Variants in TAF7 observed in about 807,000 individuals in gnomAD.
The protein encoded by TAF7 is transcription initiation factor TFIID subunit 7.
A neutral mutation model predicts 25.3 loss-of-function variants in TAF7; 9 were observed. That is an observed-to-expected ratio of 0.36 (90% CI 0.21 to 0.62). The LOEUF is 0.62. TAF7 is among the 20% of genes least tolerant of loss of function. The pLI is 0.72. For missense variants in TAF7, 311 were observed against 410.6 expected, an observed-to-expected ratio of 0.76 and a Z score of 2.10; for synonymous variants, 127 against 146.7, an observed-to-expected ratio of 0.87 and a Z score of 0.97.
chr5:141,319,769 A>G lies in TAF7; in HGVS notation c.276T>C (p.Cys92=). 1.2e-6 allele frequency: 2 copies of G among 1,614,100 alleles called. No homozygotes were observed. The highest frequency in any genetic ancestry group is 1.7e-6 in the Non-Finnish European group (2 of 1,180,026). The change falls in exon 1 of 1, where the codon TGT becomes TGC. Residue 92 remains cysteine (C), a synonymous_variant. Transcript: ENST00000313368. This position sits in a 1 kb window ranked among gnomAD's most constrained non-coding sequence, Gnocchi z 5.3. The part of the protein sequence containing the change: ...KKTFYKTADI[C]QMLVSTVDGD... ...CATCAACTGTGGATACAAGCATCTGACAGATATCAGCTGTCTTGTAAAAAG... is the reference window on the plus strand; with the variant it reads ...CATCAACTGTGGATACAAGCATCTGGCAGATATCAGCTGTCTTGTAAAAAG...
chr5:141,319,210 T>A lies in TAF7; in HGVS notation c.835A>T (p.Met279Leu). 1 of 1,614,132 alleles carries A rather than the reference T, an allele frequency of 6.2e-7. No homozygotes were observed. Among genetic ancestry groups the A allele is most frequent in the Non-Finnish European group, 8.5e-7 (1 of 1,180,030 alleles). ...QENEGTNQLV[M>L]GIQKQIDNMK... ...TTGTCAATCTGCTTCTGAATTCCCATAACCAGCTGATTGGTTCCTTCATTT... is the reference window on the plus strand; with the variant it reads ...TTGTCAATCTGCTTCTGAATTCCCAAAACCAGCTGATTGGTTCCTTCATTT... The change falls in exon 1 of 1, where the codon ATG becomes TTG. Residue 279 changes from methionine to leucine, a missense_variant. Transcript: ENST00000313368. This position sits in a 1 kb window ranked among gnomAD's most constrained non-coding sequence, Gnocchi z 5.3.
At position 141,319,510 on chromosome 5, in the gene TAF7, T is replaced by C; in HGVS notation, c.535A>G (p.Thr179Ala). Residue 179 changes from threonine (T) to alanine (A), a missense_variant, in exon 1 of 1, where the codon ACT becomes GCT. Physicochemically the swap from Thr to Ala is moderately conservative, Grantham distance 58 (BLOSUM62 0). Coordinates refer to ENST00000313368, the MANE Select transcript of TAF7 (RefSeq NM_005642.3). This position sits in a 1 kb window ranked among gnomAD's most constrained non-coding sequence, Gnocchi z 5.3. ...TCTTCGGCAATTATTTCCCACCGAG[T>C]ACTAACAGCTTCAGCATCTGTACTC... ...LLSTDAEAVS[T>A]RWEIIAEDET... The C allele has an allele frequency of 6.2e-7, 1 of 1,614,146 alleles. No homozygotes were observed. Among genetic ancestry groups the C allele is most frequent in the Non-Finnish European group, 8.5e-7 (1 of 1,180,014 alleles).
Position 141,318,865 on chromosome 5 carries a change from T to C in TAF7, c.*130A>G. 3 of 808,702 alleles carry C rather than the reference T, an allele frequency of 3.7e-6. No homozygotes were observed. The highest frequency in any genetic ancestry group is 1.8e-6 in the Non-Finnish European group (1 of 551,136). 50.1% of individuals were successfully genotyped at this position (808,702 alleles called of 1,614,324 possible). On this transcript the variant is annotated 3_prime_UTR_variant, in exon 1 of 1. Coordinates refer to ENST00000313368, the MANE Select transcript of TAF7 (RefSeq NM_005642.3). ...GCTGAAAAACAAAATTACAAACAAA[T>C]GAAAGAACTTAACAGAACACACAGC...
At position 141,319,011 on chromosome 5, in the gene TAF7, G is replaced by A. The variant is rs753555262; in HGVS notation, c.1034C>T (p.Ser345Leu). Residue 345 changes from serine (S) to leucine (L), a missense_variant, in exon 1 of 1, where the codon TCA becomes TTA. This residue lies in a region of TAF7 where 179 missense variants were observed against 206.7 expected (regional missense o/e 0.87). Transcript: ENST00000313368. The surrounding 1 kb of genome is among the most constrained non-coding windows in gnomAD (Gnocchi z 5.3). ...CAGTTCTTTTTACTTCTCTAGGAGT[G>A]ATTCTAGCTCCTCTTGCAAAGAGCT... ...QLSSLQEELE[S>L]LLEK 2 of 1,604,742 alleles carry A rather than the reference G, an allele frequency of 1.2e-6. No homozygotes were observed. Among genetic ancestry groups the A allele is most frequent in the Non-Finnish European group, 1.7e-6 (2 of 1,177,012 alleles).
rs372105449 is a variant in TAF7 at position 141,319,649 on chromosome 5, C to G, written c.396G>C (p.Trp132Cys). ...TTAGAGGCAGAGTAATTCCGTGGTTCCAGATAAACTTTTTCTCTTTGTCCT... is the reference window on the plus strand; with the variant it reads ...TTAGAGGCAGAGTAATTCCGTGGTTGCAGATAAACTTTTTCTCTTTGTCCT... ...KDKDKEKKFI[W>C]NHGITLPLKN... is the part of the protein sequence containing the mutation. The change falls in exon 1 of 1, where the codon TGG becomes TGC. Residue 132 changes from tryptophan to cysteine, a missense_variant. Trp to Cys is a radical substitution (Grantham distance 215, BLOSUM62 -2). Coordinates refer to ENST00000313368, the MANE Select transcript of TAF7 (RefSeq NM_005642.3). This position sits in a 1 kb window ranked among gnomAD's most constrained non-coding sequence, Gnocchi z 5.3. The G allele has an allele frequency of 3.7e-5, 59 of 1,614,026 alleles. No homozygotes were observed. The highest frequency in any genetic ancestry group is 4.7e-5 in the Non-Finnish European group (56 of 1,180,052).
chr5:141,319,267 T>G lies in TAF7; in HGVS notation c.778A>C (p.Lys260Gln). The stretch of plus-strand genomic sequence containing the variant: ...TGCTGTTCATCTGATTCATTTAGCT[T>G]GTCCTGTAGCTGTCTCTCCAGATCT... The part of the protein sequence containing the change: ...EEDLERQLQD[K>Q]LNESDEQHQE... Residue 260 changes from lysine (K) to glutamine (Q), a missense_variant, in exon 1 of 1, where the codon AAG (lysine) becomes CAG (glutamine). Transcript: ENST00000313368. This position sits in a 1 kb window ranked among gnomAD's most constrained non-coding sequence, Gnocchi z 5.3. The G allele has an allele frequency of 6.2e-7, 1 of 1,614,106 alleles. No homozygotes were observed. The highest frequency in any genetic ancestry group is 8.5e-7 in the Non-Finnish European group (1 of 1,180,040).
chr5:141,320,010 A>G lies in TAF7; in HGVS notation c.35T>C (p.Leu12Pro), dbSNP rs1347059033. The G allele has an allele frequency of 1.2e-6, 2 of 1,613,574 alleles. No individual in the cohort carries two copies. Among genetic ancestry groups the G allele is most frequent in the Non-Finnish European group, 1.7e-6 (2 of 1,179,746 alleles). The change falls in exon 1 of 1, where the codon CTG (leucine) becomes CCG (proline). Residue 12 changes from leucine (L) to proline (P), a missense_variant. This residue lies in a region of TAF7 where 119 missense variants were observed against 159.3 expected (regional missense o/e 0.75). Coordinates refer to ENST00000313368, the MANE Select transcript of TAF7 (RefSeq NM_005642.3). ...SKSKDDAPHE[L>P]ESQFILRLPP... ...CAGACGTAAGATAAACTGGCTCTCC[A>G]GTTCGTGAGGAGCATCATCTTTGCT...
At position 141,319,091 on chromosome 5, in the gene TAF7, A is replaced by C; in HGVS notation, c.954T>G (p.Phe318Leu). 1 of 1,614,134 alleles carries C rather than the reference A, an allele frequency of 6.2e-7. No individual in the cohort carries two copies. The highest frequency in any genetic ancestry group is 1.1e-5 in the South Asian group (1 of 91,070). The part of the protein sequence containing the change: ...KVENLALKNR[F>L]QAVLDELKQK... The stretch of plus-strand genomic sequence containing the variant: ...GTTTGAGCTCATCCAGTACAGCCTG[A>C]AATCTGTTCTTGAGAGCCAGATTTT... The change falls in exon 1 of 1, where the codon TTT becomes TTG. Residue 318 changes from phenylalanine to leucine, a missense_variant. By Grantham distance (22) the Phe-to-Leu change is conservative. This residue lies in a region of TAF7 where 179 missense variants were observed against 206.7 expected (regional missense o/e 0.87). Transcript: ENST00000313368. This position sits in a 1 kb window ranked among gnomAD's most constrained non-coding sequence, Gnocchi z 5.3.
Position 141,320,068 on chromosome 5 carries a change from C to A in TAF7, c.-24G>T. The A allele has an allele frequency of 6.3e-7, 1 of 1,591,032 alleles. No individual in the cohort carries two copies. The highest frequency in any genetic ancestry group is 8.6e-7 in the Non-Finnish European group (1 of 1,165,786). On this transcript the variant is annotated 5_prime_UTR_variant, in exon 1 of 1. Coordinates refer to ENST00000313368, the MANE Select transcript of TAF7 (RefSeq NM_005642.3). ...ATCTTTATTTCCTTGTGATTCACTTCTCCAATAAATGCTGGTTACACTAAA... is the reference window on the plus strand; with the variant it reads ...ATCTTTATTTCCTTGTGATTCACTTATCCAATAAATGCTGGTTACACTAAA...
Position 141,320,099 on chromosome 5 carries a change from C to T in TAF7, c.-55G>A. On this transcript the variant is annotated 5_prime_UTR_variant, in exon 1 of 1. Transcript: ENST00000313368. ...TAAATGCTGGTTACACTAAAAAGTT[C>T]CAGCTACTGCAATAGTTTAAAACAC... 1.4e-6 allele frequency: 2 copies of T among 1,476,388 alleles called. No individual in the cohort carries two copies. Among genetic ancestry groups the T allele is most frequent in the East Asian group, 2.3e-5 (1 of 43,616 alleles). 91.5% of individuals were successfully genotyped at this position (1,476,388 alleles called of 1,614,324 possible). A position where few individuals can be genotyped will look rare whatever the true frequency, so the allele number is the denominator to read the frequency against.
Position 141,320,359 on chromosome 5 carries a change from G to T in TAF7, c.-315C>A. On this transcript the variant is annotated 5_prime_UTR_variant, in exon 1 of 1. Transcript: ENST00000313368. ...CTGCCGGACAACGCGGAGAGAGCTA[G>T]CTAGCTAGCTAGGGAACAGGAAAGC... 4.1e-6 allele frequency: 1 copy of T among 245,960 alleles called. No individual in the cohort carries two copies. Among genetic ancestry groups the T allele is most frequent in the Non-Finnish European group, 8.5e-6 (1 of 117,166 alleles). The allele number at this position is 245,960 out of a possible 1,614,324, so 15.2% of individuals were successfully genotyped here.
chr5:141,320,369 T>C lies in TAF7; in HGVS notation c.-325A>G, dbSNP rs1756141167. ...ACGCGGAGAGAGCTAGCTAGCTAGC[T>C]AGGGAACAGGAAAGCAAATGGCGGC... On this transcript the variant is annotated 5_prime_UTR_variant, in exon 1 of 1. Transcript: ENST00000313368. 4.5e-6 allele frequency: 1 copy of C among 223,794 alleles called. No individual in the cohort carries two copies. Among genetic ancestry groups the C allele is most frequent in the Non-Finnish European group, 9.7e-6 (1 of 103,564 alleles). 13.9% of individuals were successfully genotyped at this position (223,794 alleles called of 1,614,324 possible). A position where few individuals can be genotyped will look rare whatever the true frequency, so the allele number is the denominator to read the frequency against.
Position 141,320,209 on chromosome 5 carries a change from T to C in TAF7, c.-165A>G. 1 of 653,048 alleles carries C rather than the reference T, an allele frequency of 1.5e-6. No individual in the cohort carries two copies. Among genetic ancestry groups the C allele is most frequent in the Non-Finnish European group, 2.7e-6 (1 of 375,334 alleles). The allele number at this position is 653,048 out of a possible 1,614,324, so 40.5% of individuals were successfully genotyped here. ...AGCGTCTATTTTGCCTTAGTTTTTA[T>C]TTAAGCTCCAAGTCTTTTCTCTAAA... On this transcript the variant is annotated 5_prime_UTR_variant, in exon 1 of 1. Coordinates refer to ENST00000313368, the MANE Select transcript of TAF7 (RefSeq NM_005642.3).
In TAF7 at chr5:141,319,429, C is replaced by A. The variant is rs762912346; in HGVS notation, c.616G>T (p.Gly206Cys). ...AATGAGTCATGGCCCTGCCTGTGAC[C>A]AGACATTCCTGGAGAAGAGATATCC... ...GLDISSPGMS[G>C]HRQGHDSLEH... The change falls in exon 1 of 1, where the codon GGT (glycine) becomes TGT (cysteine). Residue 206 changes from glycine (G) to cysteine (C), a missense_variant. By Grantham distance (159) the Gly-to-Cys change is radical. Coordinates refer to ENST00000313368, the MANE Select transcript of TAF7 (RefSeq NM_005642.3). The surrounding 1 kb of genome is among the most constrained non-coding windows in gnomAD (Gnocchi z 5.3). 1 of 1,614,090 alleles carries A rather than the reference C, an allele frequency of 6.2e-7. No individual in the cohort carries two copies. Among genetic ancestry groups the A allele is most frequent in the Non-Finnish European group, 8.5e-7 (1 of 1,180,028 alleles).
In TAF7 at chr5:141,320,083, G is replaced by C; in HGVS notation, c.-39C>G. ...TGATTCACTTCTCCAATAAATGCTG[G>C]TTACACTAAAAAGTTCCAGCTACTG... On this transcript the variant is annotated 5_prime_UTR_variant, in exon 1 of 1. Transcript: ENST00000313368. 2 of 1,563,768 alleles carry C rather than the reference G, an allele frequency of 1.3e-6. No homozygotes were observed. Among genetic ancestry groups the C allele is most frequent in the Non-Finnish European group, 1.7e-6 (2 of 1,151,332 alleles).
At position 141,319,320 on chromosome 5, in the gene TAF7, T is replaced by C. The variant is rs781276286; in HGVS notation, c.725A>G (p.Glu242Gly). 1.2e-6 allele frequency: 2 copies of C among 1,614,124 alleles called. No homozygotes were observed. The highest frequency in any genetic ancestry group is 2.2e-5 in the South Asian group (2 of 91,088). The change falls in exon 1 of 1, where the codon GAA becomes GGA. Residue 242 changes from glutamate to glycine, a missense_variant. This residue lies in a region of TAF7 where 179 missense variants were observed against 206.7 expected (regional missense o/e 0.87). Transcript: ENST00000313368. The surrounding 1 kb of genome is among the most constrained non-coding windows in gnomAD (Gnocchi z 5.3). The stretch of plus-strand genomic sequence containing the variant: ...CTCCGTGTCAATGATGTTTATATCT[T>C]CTTCATCTTGATGCTGGGTCTCATC... ...DEDETQHQDE[E>G]DINIIDTEED...
chr5:141,319,408 A>G lies in TAF7; in HGVS notation c.637T>C (p.Ser213Pro), dbSNP rs1458544356. The G allele has an allele frequency of 1.2e-6, 2 of 1,614,046 alleles. No individual in the cohort carries two copies. The part of the protein sequence containing the change: ...GMSGHRQGHD[S>P]LEHDELREIF... ...TCCCGAAGCTCATCATGTTCTAATG[A>G]GTCATGGCCCTGCCTGTGACCAGAC... The change falls in exon 1 of 1, where the codon TCA becomes CCA. Residue 213 changes from serine to proline, a missense_variant. Transcript: ENST00000313368. This position sits in a 1 kb window ranked among gnomAD's most constrained non-coding sequence, Gnocchi z 5.3.
In TAF7 at chr5:141,320,251, A is replaced by T; in HGVS notation, c.-207T>A. The stretch of plus-strand genomic sequence containing the variant: ...TTCTCTAAATATGCTGTGACCGAAT[A>T]CCAGTCGTTAACACAAAGGCTTATT... On this transcript the variant is annotated 5_prime_UTR_variant, in exon 1 of 1. Coordinates refer to ENST00000313368, the MANE Select transcript of TAF7 (RefSeq NM_005642.3). 1 of 586,466 alleles carries T rather than the reference A, an allele frequency of 1.7e-6. No individual in the cohort carries two copies. The highest frequency in any genetic ancestry group is 3.1e-6 in the Non-Finnish European group (1 of 325,734). 36.3% of individuals were successfully genotyped at this position (586,466 alleles called of 1,614,324 possible). A position where few individuals can be genotyped will look rare whatever the true frequency, so the allele number is the denominator to read the frequency against.
rs371365451 is a variant in TAF7, at chr5:141,319,207, C to T, written c.838G>A (p.Gly280Arg). The change falls in exon 1 of 1, where the codon GGA becomes AGA. Residue 280 changes from glycine (G) to arginine (R), a missense_variant. By Grantham distance (125) the Gly-to-Arg change is moderately radical. Coordinates refer to ENST00000313368, the MANE Select transcript of TAF7 (RefSeq NM_005642.3). The surrounding 1 kb of genome is among the most constrained non-coding windows in gnomAD (Gnocchi z 5.3). The part of the protein sequence containing the change: ...ENEGTNQLVM[G>R]IQKQIDNMKG... ...ATGTTGTCAATCTGCTTCTGAATTC[C>T]CATAACCAGCTGATTGGTTCCTTCA... 4.3e-6 allele frequency: 7 copies of T among 1,613,968 alleles called. No homozygotes were observed. Among genetic ancestry groups the T allele is most frequent in the Non-Finnish European group, 5.9e-6 (7 of 1,180,046 alleles).
Sources: gnomAD v4.1 joint callset for allele counts on GRCh38, gnomAD v4.1.1 for gene constraint, gnomAD v4.1.1 regional missense constraint, Gnocchi (gnomAD v3.1) non-coding constraint, MANE v1.5 for transcripts, NCBI Gene and HGNC (gene_info 2026-07-23, HGNC 2026-07-21) for gene names.